Variants in TMC7 observed in about 807,000 individuals in gnomAD.
TMC7 encodes transmembrane channel-like protein 7.
TMC7 carries 54 observed loss-of-function variants against 82.9 expected under a neutral mutation model. The observed-to-expected ratio is 0.65, with a 90% CI of 0.52 to 0.82. The LOEUF (loss-of-function observed/expected upper bound fraction) is 0.82. TMC7 is among the 40% of genes least tolerant of loss of function. The pLI, the probability that TMC7 is intolerant of heterozygous loss-of-function variation, is 0.00. For missense variants in TMC7, 820 were observed against 901.2 expected, an observed-to-expected ratio of 0.91 and a Z score of 1.15; for synonymous variants, 350 against 337.9, an observed-to-expected ratio of 1.04 and a Z score of -0.39.
At chr16:19,044,187 G>A (rs1961152955) in intron 9 of TMC7, among the ~76,000 whole-genome samples, 1 of 151,886 alleles carries the variant, frequency 6.6e-6, no homozygotes, top group Non-Finnish European at 1.5e-5. Flanking sequence ...TTGTTTGTTT[G>A]TTTGTTTTTT....
rs1163924265 is a variant in TMC7, at chr16:19,016,603, GCT to G, written c.460+6_460+7del. On this transcript the variant is annotated splice_donor_region_variant and intron_variant, in intron 3 of 15. Transcript: ENST00000304381. ...AGGACATCCGCAGCATAGAAGGTAT[GCT>G]GTCCTCACCTCTCTGCAGGCTCCTC... The G allele has an allele frequency of 6.2e-7, 1 of 1,612,856 alleles. No individual in the cohort carries two copies. The highest frequency in any genetic ancestry group is 1.7e-5 in the Admixed American group (1 of 59,960).
At chr16:19,034,599 A>G (rs978991213) in intron 6 of TMC7, among the ~76,000 whole-genome samples, 2 of 143,422 alleles carry the variant, frequency 1.4e-5, no homozygotes, top group Non-Finnish European at 3.1e-5. Flanking sequence ...CTCCATCTCA[A>G]AAATAAATAA....
At chr16:18,992,680 T>G (rs1393007441) in intron 1 of TMC7, among the ~76,000 whole-genome samples, 2 of 152,214 alleles carry the variant, frequency 1.3e-5, no homozygotes, top group Non-Finnish European at 2.9e-5. Flanking sequence ...CCCATGCCTA[T>G]GTCCTGAATG....
intron 12 of TMC7, among the ~76,000 whole-genome samples, chr16:19,047,685 G>T (rs1300709219): frequency 7.3e-6 from 1 of 137,896 alleles, no homozygotes; most frequent in Non-Finnish European, 1.5e-5. Flanking sequence ...GTGAGCCACC[G>T]TGCCCGGCCG....
chr16:19,060,875 C>T (rs1265173216), intron 15 of TMC7, among the ~76,000 whole-genome samples: 2 of 151,796 alleles, frequency 1.3e-5, no homozygotes, highest in Non-Finnish European at 2.9e-5. Context: ...CAACCTCCAC[C>T]TCCCGGGTTC....
At chr16:19,018,528 C>T (rs1454762998) in intron 3 of TMC7, among the ~76,000 whole-genome samples, 2 of 152,154 alleles carry the variant, frequency 1.3e-5, no homozygotes, top group Non-Finnish European at 2.9e-5. Flanking sequence ...AATCACCTCC[C>T]AAAGGCTCAT....
At chr16:19,052,335 C>A (rs1326107629) in intron 13 of TMC7, among the ~76,000 whole-genome samples, 1 of 152,120 alleles carries the variant, frequency 6.6e-6, no homozygotes, top group Non-Finnish European at 1.5e-5. Context: ...TACAGGTGTG[C>A]ACCACCATGC....
intron 1 of TMC7, chr16:18,984,416 C>G: frequency 8.1e-7 from 1 of 1,239,538 alleles, no homozygotes; most frequent in Non-Finnish European, 1.0e-6. Context: ...CCGAGACAGT[C>G]TTTCAATAGC....
At chr16:19,020,478 G>A (rs766590959) in intron 3 of TMC7, among the ~76,000 whole-genome samples, 19 of 152,148 alleles carry the variant, frequency 1.2e-4, no homozygotes, top group Non-Finnish European at 2.1e-4. Flanking sequence ...TATTGTTAAT[G>A]TTAGTGTCTC....
intron 1 of TMC7, 136 bp downstream of exon 1, chr16:18,984,266 A>G: frequency 7.5e-7 from 1 of 1,338,284 alleles, no homozygotes; most frequent in Non-Finnish European, 9.5e-7. Flanking sequence ...GCTCTGGGGA[A>G]CAGCAGGTGG....
chr16:18,991,921 T>C (rs2038958473), intron 1 of TMC7, among the ~76,000 whole-genome samples: 1 of 152,256 alleles, frequency 6.6e-6, no homozygotes, highest in Non-Finnish European at 1.5e-5. Flanking sequence ...ACAAAGGACA[T>C]GAACTCATCC....
chr16:18,984,684 G>A (rs2038812241), intron 1 of TMC7: 1 of 203,098 alleles, frequency 4.9e-6, no homozygotes, highest in South Asian at 1.7e-4. Flanking sequence ...CTAGCACAGT[G>A]CCTGGCATTG....
chr16:19,045,018 G>T lies in TMC7; in HGVS notation c.1455+17G>T. 1 of 1,598,022 alleles carries T rather than the reference G, an allele frequency of 6.3e-7. No homozygotes were observed. ...CTCTACCCGGTGAGTTGCGGGGCGG[G>T]GGCGTTCGGCTGGGTGGGTCCTTCT... is the stretch of plus-strand genomic sequence containing the variant. On this transcript the variant is annotated intron_variant, in intron 10 of 15. Transcript: ENST00000304381.
chr16:19,004,794 G>A (rs1223927118), intron 1 of TMC7, among the ~76,000 whole-genome samples: 1 of 152,162 alleles, frequency 6.6e-6, no homozygotes, highest in African/African-American at 2.4e-5. Context: ...TACTGTGTGA[G>A]CAAGCAACAC....
At chr16:18,986,731 C>T (rs2142105080) in intron 1 of TMC7, among the ~76,000 whole-genome samples, 1 of 152,262 alleles carries the variant, frequency 6.6e-6, no homozygotes, top group Non-Finnish European at 1.5e-5. Flanking sequence ...CCTTCCTATT[C>T]CTCCAGCATA....
intron 6 of TMC7, among the ~76,000 whole-genome samples, chr16:19,031,799 G>A (rs141119412): frequency 0.012 from 1,803 of 152,356 alleles, 14 homozygotes; most frequent in Middle Eastern, 0.051. Context: ...GTTGACCAAA[G>A]TTCAGCCATC....
chr16:19,007,669 CAAAAAA>C (rs548048423), intron 1 of TMC7, among the ~76,000 whole-genome samples: 1 of 139,358 alleles, frequency 7.2e-6, no homozygotes, highest in South Asian at 2.2e-4. Context: ...GACTCCGTCT[CAAAAAA>C]AAAAAAAATA....
intron 8 of TMC7, among the ~76,000 whole-genome samples, chr16:19,038,689 G>A (rs574444777): frequency 7.9e-5 from 12 of 151,822 alleles, no homozygotes; most frequent in African/African-American, 1.5e-4. Flanking sequence ...GCTAATTTTT[G>A]TATTTTTAGC....
intron 2 of TMC7, among the ~76,000 whole-genome samples, chr16:19,013,411 T>C (rs1959490209): frequency 6.6e-6 from 1 of 151,410 alleles, no homozygotes; most frequent in Non-Finnish European, 1.5e-5. Context: ...GAGACAGGGT[T>C]TCTCCATGTT....
Sources: allele counts gnomAD v4.1 joint callset (sites outside exome capture counted in the v4.1 genomes callset), GRCh38; gene constraint gnomAD v4.1.1; transcripts MANE v1.5; gene names NCBI Gene and HGNC (gene_info 2026-07-23, HGNC 2026-07-21).